Variants in CFAP92 observed in about 807,000 individuals in gnomAD.
The protein encoded by CFAP92 is uncharacterized protein CFAP92.
CFAP92 carries 86 observed loss-of-function variants against 106.3 expected under a neutral mutation model. The observed-to-expected ratio is 0.81, with a 90% CI of 0.68 to 0.97. CFAP92 has a LOEUF of 0.97. Among genes scored for constraint, CFAP92 ranks in the 50% least tolerant of loss-of-function variants. The pLI, the probability that CFAP92 is intolerant of heterozygous loss-of-function variation, is 0.00. For synonymous variants in CFAP92, 477 were observed against 506.4 expected, an observed-to-expected ratio of 0.94 and a Z score of 0.78; for missense variants, 1,204 against 1,283.8, an observed-to-expected ratio of 0.94 and a Z score of 0.95.
chr3:129,001,696 C>G, intron 1 of CFAP92: 1 of 1,495,580 alleles, frequency 6.7e-7, no homozygotes. Context: ...TACCGGCGAC[C>G]TGCGCGGCGC....
chr3:128,943,998 T>C (rs1408969454), intron 10 of CFAP92, among the ~76,000 whole-genome samples: 1 of 145,176 alleles, frequency 6.9e-6, no homozygotes, highest in Non-Finnish European at 1.5e-5. Flanking sequence ...GGCGTGATAC[T>C]GGCTCACTGC....
At chr3:129,026,109 G>T in the CFAP92 span, among the ~76,000 whole-genome samples, 415 of 152,382 alleles carry the variant, frequency 2.7e-3, no homozygotes, top group African/African-American at 9.3e-3. Flanking sequence ...TCATGAGGAA[G>T]ATGTTTGAAA....
intron 7 of CFAP92, 53 bp from the exon 8 acceptor site, chr3:128,971,486 GC>G: frequency 7.2e-7 from 1 of 1,385,128 alleles, no homozygotes. Flanking sequence ...TATCTGAGCT[GC>G]CATATGTGGA....
At chr3:128,920,683 C>A (rs1005410018) in intron 12 of CFAP92, among the ~76,000 whole-genome samples, 1 of 152,134 alleles carries the variant, frequency 6.6e-6, no homozygotes, top group Non-Finnish European at 1.5e-5. Flanking sequence ...CCCCTTGTGG[C>A]CTTTGGAACA....
At chr3:129,003,921 G>C (rs1299097117), upstream of CFAP92, 1 of 1,367,812 alleles carries the variant, frequency 7.3e-7, no homozygotes, top group Non-Finnish European at 9.4e-7. Context: ...GGGCGGCTGC[G>C]CCGTGGCCAG....
intron 15 of CFAP92, chr3:128,910,861 C>T (rs1936218637): frequency 6.3e-7 from 1 of 1,594,826 alleles, no homozygotes; most frequent in Non-Finnish European, 8.6e-7. Flanking sequence ...ACTTCTAGGC[C>T]CCTATTGATG....
At position 128,958,064 on chromosome 3, in the gene CFAP92, T is replaced by C. The variant is rs143989271; in HGVS notation, c.1353+7447A>G. Reference sequence around the variant, plus strand: ...ATAGTCTTCCCTCTACGTGTGTCTGTCTCTGGGTCCAATTTTCCCCCTTTC... The same window carrying C: ...ATAGTCTTCCCTCTACGTGTGTCTGCCTCTGGGTCCAATTTTCCCCCTTTC... On this transcript the variant is annotated intron_variant, in intron 9 of 15. Coordinates refer to ENST00000645291, the MANE Select transcript of CFAP92 (RefSeq NM_001394090.1). Among the ~76,000 whole-genome samples, 642 of 152,264 alleles carry C rather than the reference T, an allele frequency of 4.2e-3. 11 individuals carry two copies. The highest frequency in any genetic ancestry group is 0.026 in the Admixed American group (403 of 15,300).
chr3:128,993,456 G>C (rs1229264880), intron 1 of CFAP92, 120 bp from the exon 2 acceptor site: 3 of 1,027,224 alleles, frequency 2.9e-6, no homozygotes, highest in Non-Finnish European at 2.8e-6. Flanking sequence ...CCTGCTCCTA[G>C]ATGAACGCCG....
At chr3:128,939,038 G>A (rs747068620) in intron 10 of CFAP92, among the ~76,000 whole-genome samples, 1 of 152,140 alleles carries the variant, frequency 6.6e-6, no homozygotes. Flanking sequence ...GTTGCCAGGG[G>A]TTAAGGATGT....
intron 4 of CFAP92, among the ~76,000 whole-genome samples, chr3:128,984,825 T>C (rs144254808): frequency 6.6e-6 from 1 of 152,214 alleles, no homozygotes; most frequent in African/African-American, 2.4e-5. Context: ...CTACCAGGCA[T>C]CCAAGAAACA....
intron 1 of CFAP92, chr3:129,002,318 A>C: frequency 2.0e-6 from 3 of 1,518,386 alleles, no homozygotes; most frequent in Non-Finnish European, 2.6e-6. Context: ...GCTGCCTAGC[A>C]CTGCAGGTGC....
At chr3:128,948,602 TC>T (rs1382967182) in intron 9 of CFAP92, among the ~76,000 whole-genome samples, 1 of 149,278 alleles carries the variant, frequency 6.7e-6, no homozygotes, top group Non-Finnish European at 1.5e-5. Context: ...CAATCTCAGC[TC>T]ACTGCAACCA....
At chr3:128,986,901 C>T (rs1943888462) in intron 4 of CFAP92, among the ~76,000 whole-genome samples, 2 of 152,224 alleles carry the variant, frequency 1.3e-5, no homozygotes, top group African/African-American at 4.8e-5. Flanking sequence ...TAGCTCACAC[C>T]TGTGTTCCCA....
At chr3:128,958,185 G>A (rs1406443094) in intron 9 of CFAP92, among the ~76,000 whole-genome samples, 27 of 152,182 alleles carry the variant, frequency 1.8e-4, no homozygotes, top group Admixed American at 1.6e-3. Context: ...GGCGTTAGGA[G>A]TTCAACATAC....
intron 15 of CFAP92, chr3:128,914,865 A>C (rs370583126): frequency 7.9e-5 from 38 of 480,182 alleles, no homozygotes; most frequent in African/African-American, 6.9e-4. Context: ...ATAGCCAAGA[A>C]ACCAGACCCA....
intron 9 of CFAP92, among the ~76,000 whole-genome samples, chr3:128,963,718 C>A (rs912633816): frequency 3.3e-5 from 5 of 150,124 alleles, no homozygotes; most frequent in African/African-American, 5.0e-5. Context: ...CAAAGGCAGG[C>A]TATGCTATAG....
the CFAP92 span, among the ~76,000 whole-genome samples, chr3:129,015,509 G>A: frequency 2.0e-5 from 3 of 152,058 alleles, no homozygotes; most frequent in Non-Finnish European, 2.9e-5. Context: ...ATCCTTCGGT[G>A]AATTAAAGAA....
chr3:129,004,641 C>T (rs1944990012), upstream of CFAP92, among the ~76,000 whole-genome samples: 1 of 151,848 alleles, frequency 6.6e-6, no homozygotes, highest in African/African-American at 2.4e-5. Flanking sequence ...TTATTTGTTC[C>T]TGGATTCGAT....
chr3:129,003,667 G>A, upstream of CFAP92: 5 of 974,700 alleles, frequency 5.1e-6, no homozygotes, highest in Non-Finnish European at 6.5e-6. Flanking sequence ...CCCGGAAGCA[G>A]ACGGCGCAAG....
Sources: gnomAD v4.1 joint callset for allele counts (sites outside exome capture counted in the v4.1 genomes callset) on GRCh38, gnomAD v4.1.1 for gene constraint, MANE v1.5 for transcripts, NCBI Gene and HGNC (gene_info 2026-07-23, HGNC 2026-07-21) for gene names.